The following LIN54 variants were observed in gnomAD, a reference collection of about 807,000 sequenced individuals.
LIN54 encodes protein lin-54 homolog.
LIN54 carries 9 observed loss-of-function variants against 78.7 expected under a neutral mutation model. The observed-to-expected ratio is 0.11, with a 90% confidence interval of 0.07 to 0.20. The LOEUF is 0.20. Among genes scored for constraint, LIN54 ranks in the 10% least tolerant of loss-of-function variants. LIN54 has a pLI of 1.00. For missense variants in LIN54, 573 were observed against 889.9 expected (o/e 0.64, Z 4.53); for synonymous variants, 269 against 318.4 (o/e 0.84, Z 1.65).
chr4:82,939,685 G>A lies in LIN54; in HGVS notation c.1294C>T (p.Pro432Ser), dbSNP rs755349361. 5.6e-6 allele frequency: 9 copies of A among 1,614,042 alleles called. No individual in the cohort carries two copies. The highest frequency in any genetic ancestry group is 7.6e-6 in the Non-Finnish European group (9 of 1,179,896). Residue 432 changes from proline to serine, a missense_variant, in exon 7 of 13, where the codon CCA (proline) becomes TCA (serine). Transcript: ENST00000340417. ...PTSQIVTTSQPQQRLIMPATP... is the reference protein window; with the variant it reads ...PTSQIVTTSQSQQRLIMPATP... ...GCAGGCATGATAAGCCGTTGCTGTGGCTGGCTAGTAGTTACTATTTGTGAA... is the reference window on the plus strand; with the variant it reads ...GCAGGCATGATAAGCCGTTGCTGTGACTGGCTAGTAGTTACTATTTGTGAA...
upstream of LIN54, among the ~76,000 whole-genome samples, chr4:83,012,615 G>A (rs1160366217): frequency 6.6e-6 from 1 of 152,024 alleles, no homozygotes; most frequent in Non-Finnish European, 1.5e-5. Flanking sequence ...CCAGCTTCAG[G>A]GAAGGGGCGC....
intron 2 of LIN54, among the ~76,000 whole-genome samples, chr4:82,979,939 C>CAAAA (rs70943176): frequency 4.0e-5 from 2 of 49,850 alleles, no homozygotes; most frequent in Non-Finnish European, 7.1e-5. Flanking sequence ...GACTCTGTCT[C>CAAAA]AAAAAAAAAA....
intron 2 of LIN54, 93 bp from the exon 3 acceptor site, chr4:82,979,099 G>A: frequency 2.2e-6 from 2 of 915,996 alleles, no homozygotes; most frequent in Non-Finnish European, 3.3e-6. Context: ...AGTAGCACAT[G>A]TAAAACCAGC....
At chr4:82,994,660 G>C (rs536115804) in intron 1 of LIN54, among the ~76,000 whole-genome samples, 1 of 151,738 alleles carries the variant, frequency 6.6e-6, no homozygotes, top group African/African-American at 2.4e-5. Context: ...TTGGCCTCCC[G>C]AAGTGCTGGG....
intron 5 of LIN54, among the ~76,000 whole-genome samples, chr4:82,940,378 A>G (rs1722749010): frequency 6.6e-6 from 1 of 152,146 alleles, no homozygotes; most frequent in South Asian, 2.1e-4. Context: ...ACCAGAGAAT[A>G]TATCATTCTT....
At chr4:82,935,886 G>C in intron 11 of LIN54, 95 bp downstream of exon 11, 1 of 1,238,062 alleles carries the variant, frequency 8.1e-7, no homozygotes. Flanking sequence ...AATTGCAATA[G>C]CAAGGTGATT....
rs564240921 is a variant in LIN54, at chr4:82,944,351, T to C, written c.1168+1907A>G. ...CACACACATAAAATACAACCAATTA[T>C]ATATAATGACTGCTTTCTATCATCA... is the stretch of plus-strand genomic sequence containing the variant. On this transcript the variant is annotated intron_variant, in intron 5 of 12. Coordinates refer to ENST00000340417, the MANE Select transcript of LIN54 (RefSeq NM_194282.4). Among the ~76,000 whole-genome samples, 107 of 152,300 alleles carry C rather than the reference T, an allele frequency of 7.0e-4. 1 individual carries two copies. The highest frequency in any genetic ancestry group is 2.7e-3 in the Admixed American group (42 of 15,282).
At chr4:82,943,134 T>C (rs573455472) in intron 5 of LIN54, among the ~76,000 whole-genome samples, 4 of 152,332 alleles carry the variant, frequency 2.6e-5, no homozygotes, top group East Asian at 3.9e-4. Context: ...TCAGTTTTCA[T>C]AGAAGCTGGC....
At position 82,946,436 on chromosome 4, in the gene LIN54, T is replaced by C. The variant is rs756139619; in HGVS notation, c.990A>G (p.Gly330=). ...TTGTCTTAAACTGTGATGTGCTCAC[T>C]CCTCCAACAGTGATGGTCTGCACAG... ...KSTVQTITVG[G]VSTSQFKTII... Residue 330 remains glycine (G), a synonymous_variant, in exon 5 of 13, where the codon GGA becomes GGG. Transcript: ENST00000340417. The C allele has an allele frequency of 6.2e-7, 1 of 1,614,092 alleles. No homozygotes were observed. Among genetic ancestry groups the C allele is most frequent in the South Asian group, 1.1e-5 (1 of 91,084 alleles).
chr4:83,000,217 A>T (rs1265871369), intron 1 of LIN54, among the ~76,000 whole-genome samples: 1 of 152,184 alleles, frequency 6.6e-6, no homozygotes, highest in African/African-American at 2.4e-5. Context: ...AATGCAGATG[A>T]AAGTGCCTTA....
chr4:82,939,414 A>T, intron 7 of LIN54, 125 bp downstream of exon 7: 1 of 793,710 alleles, frequency 1.3e-6, no homozygotes, highest in Non-Finnish European at 2.2e-6. Flanking sequence ...TTAACATTTT[A>T]AGATTTTGGA....
chr4:83,005,899 G>A (rs752424128), intron 1 of LIN54, among the ~76,000 whole-genome samples: 1 of 152,150 alleles, frequency 6.6e-6, no homozygotes, highest in Non-Finnish European at 1.5e-5. Context: ...CATCAGTGGT[G>A]ATTGGATAAG....
chr4:82,970,703 T>C (rs373149707), intron 3 of LIN54, among the ~76,000 whole-genome samples: 1 of 152,356 alleles, frequency 6.6e-6, no homozygotes, highest in African/African-American at 2.4e-5. Context: ...GTTTAGTTCA[T>C]GTGTTCATCA....
chr4:82,956,273 AGAGT>A (rs1227771562), intron 4 of LIN54, among the ~76,000 whole-genome samples: 1 of 151,984 alleles, frequency 6.6e-6, no homozygotes, highest in Admixed American at 6.6e-5. Flanking sequence ...TTCTATAGTA[AGAGT>A]GTTTTTTATT....
At chr4:82,971,317 T>G (rs1725628566) in intron 3 of LIN54, among the ~76,000 whole-genome samples, 1 of 152,140 alleles carries the variant, frequency 6.6e-6, no homozygotes, top group South Asian at 2.1e-4. Flanking sequence ...TCACTACTCC[T>G]GGCAGACGAG....
intron 1 of LIN54, among the ~76,000 whole-genome samples, chr4:82,987,935 A>G (rs1198981488): frequency 6.6e-6 from 1 of 152,192 alleles, no homozygotes; most frequent in Non-Finnish European, 1.5e-5. Flanking sequence ...TTCTGGTTCT[A>G]TATCCTTGAG....
intron 3 of LIN54, among the ~76,000 whole-genome samples, chr4:82,971,804 C>T (rs1578576066): frequency 6.6e-6 from 1 of 152,080 alleles, no homozygotes; most frequent in East Asian, 1.9e-4. Context: ...ATCAAATATA[C>T]CGGCTAAAGA....
At chr4:82,990,715 C>A (rs1446908364) in intron 1 of LIN54, among the ~76,000 whole-genome samples, 2 of 152,042 alleles carry the variant, frequency 1.3e-5, no homozygotes, top group African/African-American at 4.8e-5. Context: ...GATCTCCTGA[C>A]CTCGTGATCC....
chr4:82,992,722 T>C (rs1727834448), intron 1 of LIN54, among the ~76,000 whole-genome samples: 1 of 152,114 alleles, frequency 6.6e-6, no homozygotes, highest in African/African-American at 2.4e-5. Flanking sequence ...GCCTGGCTTT[T>C]GTTTTGTAAA....
Sources: gnomAD v4.1 joint callset for allele counts (sites outside exome capture counted in the v4.1 genomes callset) on GRCh38, gnomAD v4.1.1 for gene constraint, MANE v1.5 for transcripts, NCBI Gene and HGNC (gene_info 2026-07-23, HGNC 2026-07-21) for gene names.